The following PREPL variants were observed in gnomAD, a reference collection of about 807,000 sequenced individuals.
The protein encoded by PREPL is prolyl endopeptidase-like.
In PREPL, 77 loss-of-function variants were observed where a neutral mutation model predicts 70.6. The observed-to-expected ratio is 1.09, with a 90% CI of 0.91 to 1.32. The LOEUF (loss-of-function observed/expected upper bound fraction) is 1.32. Ranked by LOEUF, PREPL falls within the 40% of genes most tolerant of loss-of-function variation. PREPL has a pLI of 0.00. For synonymous variants in PREPL, 315 were observed against 264.8 expected (o/e 1.19, Z -1.84); for missense variants, 1,002 against 778.2 (o/e 1.29, Z -3.42).
At position 44,320,460 on chromosome 2, in the gene PREPL, G is replaced by A. The variant is rs1439333993; in HGVS notation, c.*896C>T. 6.2e-7 allele frequency: 1 copy of A among 1,614,124 alleles called. No individual in the cohort carries two copies. On this transcript the variant is annotated 3_prime_UTR_variant, in exon 14 of 14. Transcript: ENST00000409411. ...GAGAATAAGGTTAAGTACCAATTCT[G>A]CCGACAAAGGCAGTAAAGTTGATAC...
At chr2:44,331,904 AAAC>A (rs1457452370) in intron 8 of PREPL, among the ~76,000 whole-genome samples, 1 of 152,110 alleles carries the variant, frequency 6.6e-6, no homozygotes, top group Non-Finnish European at 1.5e-5. Flanking sequence ...AATCAGACAT[AAAC>A]AACATGTAAA....
At chr2:44,337,872 C>T (rs771995159) in intron 7 of PREPL, among the ~76,000 whole-genome samples, 36 of 152,198 alleles carry the variant, frequency 2.4e-4, no homozygotes, top group Admixed American at 5.9e-4. Context: ...AGTTTGTTCC[C>T]TGCATCCCCT....
In PREPL at chr2:44,326,692, T is replaced by C. The variant is rs776292945; in HGVS notation, c.1479+20A>G. On this transcript the variant is annotated intron_variant, in intron 10 of 13. Transcript: ENST00000409411. ...CACACCTCCCCCATTCTATAAACAG[T>C]AGAGACAGAGCGTACTCACCTCCAA... The C allele has an allele frequency of 4.4e-6, 7 of 1,602,146 alleles. No individual in the cohort carries two copies. The East Asian group carries it at 1.3e-4, about 31-fold the overall frequency.
In PREPL at chr2:44,340,212, A is replaced by G. The variant is rs1470424510; in HGVS notation, c.486-849T>C. On this transcript the variant is annotated intron_variant, in intron 5 of 13. Transcript: ENST00000409411. ...AAAATTTAGATTTTAATGTTTCATT[A>G]TAATAAACAATATAACAAGAAACAT... Among the ~76,000 whole-genome samples the G allele has an allele frequency of 3.9e-5, 6 of 152,230 alleles. 1 individual carries two copies. Among genetic ancestry groups the G allele is most frequent in the South Asian group, 2.1e-4 (1 of 4,830 alleles).
rs1242840023 is a variant in PREPL at position 44,323,400 on chromosome 2, C to T, written c.1491G>A (p.Leu497=). The T allele has an allele frequency of 6.3e-7, 1 of 1,579,036 alleles. No homozygotes were observed. Among genetic ancestry groups the T allele is most frequent in the Admixed American group, 1.9e-5 (1 of 51,944 alleles). ...VRAVTLEAPF[L]DVLNTMMDTT... is the part of the protein sequence containing the mutation. ...TGTCCATCATGGTGTTGAGAACATC[C>T]AAGAAAGGTGCCTAAAAAAAAGGCA... The change falls in exon 11 of 14, where the codon TTG becomes TTA. Residue 497 remains leucine, a synonymous_variant. Coordinates refer to ENST00000409411, the MANE Select transcript of PREPL (RefSeq NM_001171613.2).
intron 4 of PREPL, 68 bp downstream of exon 4, chr2:44,343,677 C>CA: frequency 6.9e-7 from 1 of 1,456,102 alleles, no homozygotes; most frequent in Non-Finnish European, 9.6e-7. Context: ...TCACATGCGA[C>CA]AAAAAAATGT....
chr2:44,334,732 C>G (rs1452414727), intron 7 of PREPL, among the ~76,000 whole-genome samples: 2 of 151,902 alleles, frequency 1.3e-5, no homozygotes, highest in African/African-American at 4.8e-5. Flanking sequence ...TTTTAGTATT[C>G]TTTGTATTTT....
At chr2:44,335,395 C>T (rs72804929) in intron 7 of PREPL, among the ~76,000 whole-genome samples, 11,701 of 152,232 alleles carry the variant, frequency 0.077, 546 homozygotes, top group Non-Finnish European at 0.11. Context: ...TACATATTCT[C>T]TCCCATTCTT....
At chr2:44,322,378 T>G (rs1673060887) in intron 12 of PREPL, among the ~76,000 whole-genome samples, 1 of 152,212 alleles carries the variant, frequency 6.6e-6, no homozygotes, top group African/African-American at 2.4e-5. Context: ...AACAAAAATC[T>G]CAGAATCTGT....
intron 1 of PREPL, chr2:44,359,913 T>A: frequency 1.8e-6 from 1 of 541,796 alleles, no homozygotes; most frequent in Non-Finnish European, 3.3e-6. Context: ...TCTAAAAACC[T>A]GTGTAAGTTA....
chr2:44,331,855 A>G (rs930075199), intron 8 of PREPL, among the ~76,000 whole-genome samples: 9 of 152,276 alleles, frequency 5.9e-5, no homozygotes, highest in Non-Finnish European at 5.9e-5. Context: ...ATAACTACAT[A>G]CCAACTCTAT....
upstream of PREPL, chr2:44,361,849 C>A: frequency 7.7e-7 from 1 of 1,295,824 alleles, no homozygotes; most frequent in East Asian, 3.2e-5. Context: ...CAAGGAGATG[C>A]GAGTACCGGA....
intron 1 of PREPL, among the ~76,000 whole-genome samples, chr2:44,347,793 T>C (rs1291242050): frequency 2.6e-5 from 4 of 152,170 alleles, no homozygotes; most frequent in African/African-American, 7.2e-5. Flanking sequence ...TTGCATAAAA[T>C]ATGTCCATGA....
At chr2:44,326,543 G>A (rs183466427) in intron 10 of PREPL, among the ~76,000 whole-genome samples, 169 bp downstream of exon 10, 1 of 150,208 alleles carries the variant, frequency 6.7e-6, no homozygotes, top group East Asian at 2.0e-4. Flanking sequence ...TCGCCATGTT[G>A]CCCAGGCTGG....
At chr2:44,344,612 TTAATAA>T in intron 2 of PREPL, 26 bp from the exon 3 acceptor site, 1 of 1,518,628 alleles carries the variant, frequency 6.6e-7, no homozygotes, top group Non-Finnish European at 9.0e-7. Flanking sequence ...TGCAGTTTAC[TTAATAA>T]TAATTTAATT....
Position 44,349,872 on chromosome 2 carries a change from G to T in PREPL, c.-48-3482C>A, listed in dbSNP as rs540717379. On this transcript the variant is annotated intron_variant, in intron 1 of 13. Coordinates refer to ENST00000409411, the MANE Select transcript of PREPL (RefSeq NM_001171613.2). ...AATAAATGAAATGGGTAATTTTCCA[G>T]GAAGAAAAATTACCAAAATTGACCC... is the stretch of plus-strand genomic sequence containing the variant. 3.3e-5 allele frequency among the ~76,000 whole-genome samples: 5 copies of T among 152,204 alleles called. No individual in the cohort carries two copies. The South Asian group carries it at 8.3e-4, about 25-fold the overall frequency.
chr2:44,338,481 GT>G lies in PREPL; in HGVS notation c.757del (p.Thr253GlnfsTer2). On this transcript the variant is annotated frameshift_variant, in exon 7 of 14. Coordinates refer to ENST00000409411, the MANE Select transcript of PREPL (RefSeq NM_001171613.2). LOFTEE classifies it high-confidence loss of function. ...PAIMNWDLFF[T>X]MKRNTKVIDL... ...TATCACTTTTGTATTTCTCTTCATT[GT>G]AAAAAATAAATCCCAATTCATAATT... is the stretch of plus-strand genomic sequence containing the variant. The G allele has an allele frequency of 6.2e-7, 1 of 1,612,204 alleles. No individual in the cohort carries two copies. The highest frequency in any genetic ancestry group is 2.2e-5 in the East Asian group (1 of 44,854).
At chr2:44,344,701 T>A (rs953282157) in intron 2 of PREPL, 115 bp from the exon 3 acceptor site, 2 of 667,736 alleles carry the variant, frequency 3.0e-6, no homozygotes, top group Non-Finnish European at 4.9e-6. Flanking sequence ...CCTGTTGAAG[T>A]ATATGAATGA....
intron 1 of PREPL, among the ~76,000 whole-genome samples, chr2:44,353,013 G>C (rs927848781): frequency 6.6e-6 from 1 of 150,506 alleles, no homozygotes; most frequent in Non-Finnish European, 1.5e-5. Flanking sequence ...TTGGGAAGCT[G>C]AGACAGGAGG....
Sources: gnomAD v4.1 joint callset for allele counts (sites outside exome capture counted in the v4.1 genomes callset) on GRCh38, gnomAD v4.1.1 for gene constraint, MANE v1.5 for transcripts, NCBI Gene and HGNC (gene_info 2026-07-23, HGNC 2026-07-21) for gene names.